The following PAK2 variants were observed in gnomAD, a reference collection of about 807,000 sequenced individuals.
PAK2 encodes serine/threonine-protein kinase PAK 2.
A neutral mutation model predicts 65.9 loss-of-function variants in PAK2; 21 were observed. The ratio of observed to expected loss-of-function variants is 0.32; its 90% CI spans 0.23 to 0.46. The LOEUF (loss-of-function observed/expected upper bound fraction) is 0.46. Ranked by LOEUF, PAK2 falls within the 20% of genes least tolerant of loss-of-function variation. The probability of loss-of-function intolerance (pLI) is 1.00; values close to 1 mark genes in which losing one functional copy is unlikely to be tolerated. For missense variants in PAK2, 324 were observed against 642.6 expected, an observed-to-expected ratio of 0.50 and a Z score of 5.36; for synonymous variants, 204 against 219.7, an observed-to-expected ratio of 0.93 and a Z score of 0.63.
At chr3:196,755,050 T>C (rs372112393) in intron 1 of PAK2, among the ~76,000 whole-genome samples, 1 of 152,216 alleles carries the variant, frequency 6.6e-6, no homozygotes, top group Non-Finnish European at 1.5e-5. Flanking sequence ...TGCAGTACAG[T>C]TGACCTTAAA....
intron 3 of PAK2, among the ~76,000 whole-genome samples, chr3:196,802,801 G>A (rs1195242293): frequency 1.3e-5 from 2 of 151,278 alleles, no homozygotes; most frequent in African/African-American, 2.4e-5. Context: ...CCGAGATCTC[G>A]CACGACTGCA....
intron 1 of PAK2, among the ~76,000 whole-genome samples, chr3:196,780,656 A>T (rs1165597140): frequency 6.6e-6 from 1 of 152,084 alleles, no homozygotes; most frequent in Non-Finnish European, 1.5e-5. Flanking sequence ...ACCTTTTTTT[A>T]TTCTTTCTCT....
chr3:196,764,841 CTTTTTT>C (rs57199433), intron 1 of PAK2, among the ~76,000 whole-genome samples: 1 of 107,638 alleles, frequency 9.3e-6, no homozygotes, highest in African/African-American at 3.5e-5. Flanking sequence ...TCTTTTCTTT[CTTTTTT>C]TTTTTTTTTT....
Position 196,807,142 on chromosome 3 carries a change from G to C in PAK2, c.576+456G>C, listed in dbSNP as rs569211696. Among the ~76,000 whole-genome samples, 37 of 152,296 alleles carry C rather than the reference G, an allele frequency of 2.4e-4. No homozygotes were observed. The South Asian group carries it at 5.8e-3, about 24-fold the overall frequency. On this transcript the variant is annotated intron_variant, in intron 6 of 14. Transcript: ENST00000327134. Reference sequence around the variant, plus strand: ...CCAGGTAAGGGAGAATTTTAAAAATGATGACCTTAAATGGAGCCAGGAAGA... The same window carrying C: ...CCAGGTAAGGGAGAATTTTAAAAATCATGACCTTAAATGGAGCCAGGAAGA...
intron 6 of PAK2, among the ~76,000 whole-genome samples, 173 bp downstream of exon 6, chr3:196,806,859 A>G (rs1715601193): frequency 6.6e-6 from 1 of 152,166 alleles, no homozygotes; most frequent in South Asian, 2.1e-4. Context: ...ACCTAAAACT[A>G]GTTTTCTGAA....
intron 12 of PAK2, among the ~76,000 whole-genome samples, chr3:196,819,187 A>C (rs753032303): frequency 6.6e-5 from 10 of 152,170 alleles, no homozygotes; most frequent in Non-Finnish European, 1.5e-4. Context: ...CACGCCTGTA[A>C]TCCCAGCACT....
intron 6 of PAK2, among the ~76,000 whole-genome samples, chr3:196,807,203 G>A (rs1202142805): frequency 6.6e-6 from 1 of 152,166 alleles, no homozygotes; most frequent in Non-Finnish European, 1.5e-5. Context: ...GCTCCCTTCA[G>A]TACTGCAGGT....
intron 1 of PAK2, among the ~76,000 whole-genome samples, chr3:196,748,172 T>C (rs1713453156): frequency 6.6e-6 from 1 of 152,196 alleles, no homozygotes; most frequent in South Asian, 2.1e-4. Context: ...TTTTAATTAA[T>C]AGACTTTGCA....
At position 196,791,289 on chromosome 3, in the gene PAK2, A is replaced by G. The variant is rs151262029; in HGVS notation, c.187+8456A>G. ...TCCCATTGAGACTATTAAAATACAG[A>G]GAGTACCTGTATGTGTGTTATGTAA... On this transcript the variant is annotated intron_variant, in intron 2 of 14. Transcript: ENST00000327134. This position sits in a 1 kb window ranked among gnomAD's most constrained non-coding sequence, Gnocchi z 4.0. Among the ~76,000 whole-genome samples, 373 of 152,312 alleles carry G rather than the reference A, an allele frequency of 2.4e-3. 6 individuals are homozygous for G. Among genetic ancestry groups the G allele is most frequent in the African/African-American group, 8.8e-3 (364 of 41,588 alleles).
rs572997437 is a variant in PAK2 at position 196,815,044 on chromosome 3, T to G, written c.1053+476T>G. On this transcript the variant is annotated intron_variant, in intron 11 of 14. Coordinates refer to ENST00000327134, the MANE Select transcript of PAK2 (RefSeq NM_002577.4). ...AATACAAAAAAATTAGCCGGGCGTGTTGGCAGGTACCTGTAGTCCCAGCTA... is the reference window on the plus strand; with the variant it reads ...AATACAAAAAAATTAGCCGGGCGTGGTGGCAGGTACCTGTAGTCCCAGCTA... Among the ~76,000 whole-genome samples the G allele has an allele frequency of 3.5e-3, 525 of 151,290 alleles. 3 individuals are homozygous for G. Among genetic ancestry groups the G allele is most frequent in the South Asian group, 0.012 (56 of 4,814 alleles).
rs1438660557 is a variant in PAK2, at chr3:196,831,773, T to A, written c.*3368T>A. The A allele has an allele frequency of 6.6e-6, 1 of 152,204 alleles. No homozygotes were observed. Among genetic ancestry groups the A allele is most frequent in the African/African-American group, 2.4e-5 (1 of 41,462 alleles). 9.4% of individuals were successfully genotyped at this position (152,204 alleles called of 1,614,324 possible). On this transcript the variant is annotated 3_prime_UTR_variant, in exon 15 of 15. Transcript: ENST00000327134. ...CATCCATTTTTGAGTCTAAATCTTTTAAAATATACTGAGATCCACATCTAG... is the reference window on the plus strand; with the variant it reads ...CATCCATTTTTGAGTCTAAATCTTTAAAAATATACTGAGATCCACATCTAG...
At position 196,782,620 on chromosome 3, in the gene PAK2, T is replaced by A. The variant is rs754715405; in HGVS notation, c.-21-6T>A. The stretch of plus-strand genomic sequence containing the variant: ...TTGTTACTAATTGTATTTTTTCCAA[T>A]TCCAGGCCATTTCATAATTCTGAAT... On this transcript the variant is annotated splice_polypyrimidine_tract_variant and splice_region_variant and intron_variant, in intron 1 of 14. Coordinates refer to ENST00000327134, the MANE Select transcript of PAK2 (RefSeq NM_002577.4). 2.5e-5 allele frequency: 36 copies of A among 1,456,552 alleles called. 1 individual carries two copies. The South Asian group carries it at 4.0e-4, about 16-fold the overall frequency. 90.2% of individuals were successfully genotyped at this position (1,456,552 alleles called of 1,614,324 possible).
intron 1 of PAK2, among the ~76,000 whole-genome samples, chr3:196,767,283 T>C (rs191372349): frequency 6.6e-6 from 1 of 152,232 alleles, no homozygotes; most frequent in East Asian, 1.9e-4. Flanking sequence ...TGGATAGATT[T>C]TTAGAAACGG....
intron 2 of PAK2, 77 bp downstream of exon 2, chr3:196,782,910 G>A: frequency 1.1e-6 from 1 of 912,586 alleles, no homozygotes; most frequent in Non-Finnish European, 1.7e-6. Context: ...AACTTTTATG[G>A]TGAGAACATT....
chr3:196,778,302 T>C (rs1295478698), intron 1 of PAK2, among the ~76,000 whole-genome samples: 1 of 152,216 alleles, frequency 6.6e-6, no homozygotes, highest in Non-Finnish European at 1.5e-5. Context: ...AGTTGATGGA[T>C]ATTTGGGTTG....
At chr3:196,744,004 G>GTT (rs778761012) in intron 1 of PAK2, among the ~76,000 whole-genome samples, 35 of 152,302 alleles carry the variant, frequency 2.3e-4, no homozygotes, top group Non-Finnish European at 4.4e-4. Context: ...GAAAAAATAT[G>GTT]TAATAGTTTC....
intron 7 of PAK2, among the ~76,000 whole-genome samples, chr3:196,809,834 G>A (rs1715716265): frequency 6.6e-6 from 1 of 151,864 alleles, no homozygotes; most frequent in African/African-American, 2.4e-5. Flanking sequence ...CAGTTTCCTT[G>A]ATATGGTCCT....
chr3:196,814,638 T>C, intron 11 of PAK2, 70 bp downstream of exon 11: 3 of 739,054 alleles, frequency 4.1e-6, no homozygotes, highest in Non-Finnish European at 7.3e-6. Context: ...AAGGAAATTT[T>C]TCTGCACAGG....
At chr3:196,788,748 T>C (rs1012345695) in intron 2 of PAK2, among the ~76,000 whole-genome samples, 6 of 152,220 alleles carry the variant, frequency 3.9e-5, no homozygotes, top group African/African-American at 1.2e-4. Flanking sequence ...AGGGAAACGA[T>C]AGTTACAAAG....
Sources: gnomAD v4.1 joint callset for allele counts (sites outside exome capture counted in the v4.1 genomes callset) on GRCh38, gnomAD v4.1.1 for gene constraint, Gnocchi (gnomAD v3.1) non-coding constraint, MANE v1.5 for transcripts, NCBI Gene and HGNC (gene_info 2026-07-23, HGNC 2026-07-21) for gene names.